Variants in DOCK3 observed in about 807,000 individuals in gnomAD.
DOCK3 encodes dedicator of cytokinesis protein 3.
Under a neutral mutation model 265.6 loss-of-function variants are expected in DOCK3, and 60 were observed. The ratio of observed to expected loss-of-function variants is 0.23; its 90% CI spans 0.18 to 0.28. DOCK3 has a LOEUF of 0.28. DOCK3 is among the 10% of genes least tolerant of loss of function. The pLI, the probability that DOCK3 is intolerant of heterozygous loss-of-function variation, is 1.00. For synonymous variants in DOCK3, 881 were observed against 938.0 expected (o/e 0.94, Z 1.11); for missense variants, 1,981 against 2,594.3 (o/e 0.76, Z 5.14).
At chr3:51,317,534 C>T (rs1463845495) in intron 32 of DOCK3, among the ~76,000 whole-genome samples, 3 of 149,306 alleles carry the variant, frequency 2.0e-5, no homozygotes, top group Admixed American at 6.7e-5. Context: ...GAGCCAAGAT[C>T]GCACCACTGC....
At chr3:51,357,177 G>A (rs1357254762) in intron 44 of DOCK3, 36 bp downstream of exon 44, 7 of 1,591,006 alleles carry the variant, frequency 4.4e-6, no homozygotes, top group African/African-American at 2.7e-5. Context: ...CATGCAGCCA[G>A]CCTGGCCAGG....
intron 3 of DOCK3, among the ~76,000 whole-genome samples, chr3:50,886,187 G>GATATATATATATAT (rs141280910): frequency 7.5e-6 from 1 of 132,750 alleles, no homozygotes; most frequent in African/African-American, 2.7e-5. Flanking sequence ...TTATTTTGGA[G>GATATATATATATAT]ATATATATAT....
chr3:51,102,785 T>C (rs2081258066), intron 9 of DOCK3, among the ~76,000 whole-genome samples: 1 of 152,156 alleles, frequency 6.6e-6, no homozygotes, highest in South Asian at 2.1e-4. Context: ...ATTTCAAATA[T>C]AAAATATATA....
intron 3 of DOCK3, among the ~76,000 whole-genome samples, chr3:50,849,318 C>T (rs62258674): frequency 0.072 from 10,967 of 151,780 alleles, 530 homozygotes; most frequent in Non-Finnish European, 0.11. Context: ...TACAGGTGGG[C>T]GCCACCATGC....
At chr3:51,001,353 TG>T (rs2078478480) in intron 5 of DOCK3, among the ~76,000 whole-genome samples, 1 of 152,170 alleles carries the variant, frequency 6.6e-6, no homozygotes. Flanking sequence ...CCAACTCAAA[TG>T]GAAACATTTG....
chr3:51,120,414 A>G (rs907153540), intron 9 of DOCK3, among the ~76,000 whole-genome samples: 1 of 152,114 alleles, frequency 6.6e-6, no homozygotes. Context: ...CCCTACTGGG[A>G]GTTGTCTCCC....
At chr3:51,354,855 T>C in intron 40 of DOCK3, 27 bp from the exon 41 acceptor site, 1 of 1,610,310 alleles carries the variant, frequency 6.2e-7, no homozygotes, top group Non-Finnish European at 8.5e-7. Flanking sequence ...AAAGCATACA[T>C]AGAGTGTGCT....
intron 7 of DOCK3, 148 bp from the exon 8 acceptor site, chr3:51,089,095 A>G (rs1053914328): frequency 2.3e-6 from 2 of 867,512 alleles, no homozygotes; most frequent in Non-Finnish European, 3.5e-6. Flanking sequence ...TCCACCAAAT[A>G]CGAATAACAC....
chr3:50,693,672 A>G (rs964835916), intron 1 of DOCK3, among the ~76,000 whole-genome samples: 11 of 150,714 alleles, frequency 7.3e-5, no homozygotes, highest in African/African-American at 2.7e-4. Flanking sequence ...GGTAGCTGGG[A>G]CTGCAGGCAC....
At chr3:50,895,748 G>A (rs1559781884) in intron 4 of DOCK3, among the ~76,000 whole-genome samples, 1 of 152,022 alleles carries the variant, frequency 6.6e-6, no homozygotes, top group East Asian at 1.9e-4. Flanking sequence ...TCCCACTTAT[G>A]AGTGAGAACA....
chr3:50,874,061 CTTTTGTT>C (rs1309848291), intron 3 of DOCK3, among the ~76,000 whole-genome samples: 9 of 104,576 alleles, frequency 8.6e-5, no homozygotes, highest in African/African-American at 3.4e-4. Context: ...TTTTTCTTTT[CTTTTGTT>C]TTTTTTTTTT....
chr3:50,941,948 G>A (rs2076308062), intron 5 of DOCK3, among the ~76,000 whole-genome samples: 1 of 152,054 alleles, frequency 6.6e-6, no homozygotes, highest in South Asian at 2.1e-4. Flanking sequence ...TGTCTTTATG[G>A]TGATGGCACA....
chr3:50,738,715 G>T (rs1219997330), intron 1 of DOCK3, among the ~76,000 whole-genome samples: 1 of 152,170 alleles, frequency 6.6e-6, no homozygotes, highest in South Asian at 2.1e-4. Flanking sequence ...TTTATGGTGA[G>T]GTACTATTCC....
intron 4 of DOCK3, among the ~76,000 whole-genome samples, chr3:50,890,367 A>G (rs890833630): frequency 6.6e-6 from 1 of 152,084 alleles, no homozygotes; most frequent in African/African-American, 2.4e-5. Flanking sequence ...ATAGTCATTC[A>G]TAGAGTAGGA....
intron 23 of DOCK3, among the ~76,000 whole-genome samples, chr3:51,264,296 C>T (rs1442790767): frequency 1.3e-5 from 2 of 152,162 alleles, no homozygotes; most frequent in African/African-American, 4.8e-5. Flanking sequence ...GAACAACCTG[C>T]TCCTGAATGA....
chr3:50,832,500 T>A (rs2045246553), intron 2 of DOCK3, among the ~76,000 whole-genome samples: 1 of 152,184 alleles, frequency 6.6e-6, no homozygotes, highest in Admixed American at 6.6e-5. Flanking sequence ...TACAAGGAGC[T>A]TAAACAAATT....
At chr3:50,922,773 T>G (rs2050560918) in intron 4 of DOCK3, among the ~76,000 whole-genome samples, 1 of 152,008 alleles carries the variant, frequency 6.6e-6, no homozygotes, top group South Asian at 2.1e-4. Flanking sequence ...TTTTTTTAAT[T>G]TTTTTCTCTC....
chr3:50,759,751 G>C (rs1409840165), intron 1 of DOCK3, among the ~76,000 whole-genome samples: 1 of 151,446 alleles, frequency 6.6e-6, no homozygotes, highest in Non-Finnish European at 1.5e-5. Flanking sequence ...AGGAAGGCTT[G>C]GGAGGCTGAG....
chr3:51,128,295 A>G (rs1363925215), intron 9 of DOCK3, among the ~76,000 whole-genome samples: 3 of 152,156 alleles, frequency 2.0e-5, no homozygotes, highest in Non-Finnish European at 4.4e-5. Flanking sequence ...TGTACCATAC[A>G]TTGGATTTTG....
Sources: gnomAD v4.1 joint callset for allele counts (sites outside exome capture counted in the v4.1 genomes callset) on GRCh38, gnomAD v4.1.1 for gene constraint, MANE v1.5 for transcripts, NCBI Gene and HGNC (gene_info 2026-07-23, HGNC 2026-07-21) for gene names.